The following OPCML variants were observed in gnomAD, a reference collection of about 807,000 sequenced individuals.
OPCML encodes opioid-binding protein/cell adhesion molecule.
In OPCML, 13 loss-of-function variants were observed where a neutral mutation model predicts 37.8. The ratio of observed to expected loss-of-function variants is 0.34; its 90% CI spans 0.22 to 0.55. OPCML has a LOEUF of 0.55. Ranked by LOEUF, OPCML falls within the 20% of genes least tolerant of loss-of-function variation. The pLI, the probability that OPCML is intolerant of heterozygous loss-of-function variation, is 0.91. For synonymous variants in OPCML, 176 were observed against 168.8 expected (o/e 1.04, Z -0.33); for missense variants, 341 against 435.6 (o/e 0.78, Z 1.93).
At chr11:133,129,773 T>G (rs1214314420) in intron 1 of OPCML, among the ~76,000 whole-genome samples, 1 of 152,128 alleles carries the variant, frequency 6.6e-6, no homozygotes, top group Non-Finnish European at 1.5e-5. Context: ...GTGTGTGTCA[T>G]GGCACATGCC....
chr11:133,357,158 T>C (rs1315746827), intron 1 of OPCML, among the ~76,000 whole-genome samples: 1 of 152,218 alleles, frequency 6.6e-6, no homozygotes. Context: ...TATTCTACAC[T>C]ACCCCAGGCA....
At chr11:133,434,719 T>C (rs1946195154) in intron 1 of OPCML, among the ~76,000 whole-genome samples, 1 of 150,352 alleles carries the variant, frequency 6.7e-6, no homozygotes, top group African/African-American at 2.4e-5. Flanking sequence ...GCTTCTACTG[T>C]TGGTAATATA....
At chr11:132,624,936 A>G (rs1358771145) in intron 3 of OPCML, among the ~76,000 whole-genome samples, 1 of 152,006 alleles carries the variant, frequency 6.6e-6, no homozygotes, top group African/African-American at 2.4e-5. Context: ...TTTTTATTCA[A>G]ATTTAACTGG....
intron 1 of OPCML, among the ~76,000 whole-genome samples, chr11:133,265,033 C>T (rs1357068051): frequency 6.6e-6 from 1 of 151,992 alleles, no homozygotes; most frequent in Non-Finnish European, 1.5e-5. Context: ...CTTGATGACT[C>T]GCTGCGCCGT....
At chr11:132,520,674 A>ATATATATATATGTGTG (rs10630619) in intron 4 of OPCML, among the ~76,000 whole-genome samples, 1 of 128,020 alleles carries the variant, frequency 7.8e-6, no homozygotes, top group Admixed American at 7.7e-5. Context: ...CTAAATATAT[A>ATATATATATATGTGTG]TGTGTGTGTG....
At chr11:132,991,450 A>G (rs6590672) in intron 1 of OPCML, among the ~76,000 whole-genome samples, 152,238 of 152,338 alleles carry the variant, frequency 1, 76,069 homozygotes, top group Middle Eastern at 1. Context: ...TGCCAGTATA[A>G]TGCAACTAAT....
At chr11:132,580,942 T>C (rs1386716464) in intron 3 of OPCML, among the ~76,000 whole-genome samples, 1 of 152,188 alleles carries the variant, frequency 6.6e-6, no homozygotes, top group Non-Finnish European at 1.5e-5. Flanking sequence ...GAGGGTAAGA[T>C]TTGATTAAAT....
At chr11:133,077,304 G>T (rs976632577) in intron 1 of OPCML, among the ~76,000 whole-genome samples, 5 of 151,920 alleles carry the variant, frequency 3.3e-5, no homozygotes, top group Admixed American at 6.6e-5. Flanking sequence ...ACGGAGTCAG[G>T]TTCAAGCTTT....
intron 1 of OPCML, chr11:133,024,728 G>T: frequency 1.1e-6 from 1 of 923,580 alleles, no homozygotes; most frequent in Non-Finnish European, 1.3e-6. Context: ...ATCTTTGCCA[G>T]CCCTCGCGCT....
chr11:132,744,388 T>C (rs1431012884), intron 2 of OPCML, among the ~76,000 whole-genome samples: 1 of 152,224 alleles, frequency 6.6e-6, no homozygotes, highest in African/African-American at 2.4e-5. Flanking sequence ...TAGGACATCA[T>C]TCCAGTGTCC....
At chr11:133,420,045 A>G (rs993326250) in intron 1 of OPCML, among the ~76,000 whole-genome samples, 2 of 152,364 alleles carry the variant, frequency 1.3e-5, no homozygotes, top group African/African-American at 4.8e-5. Flanking sequence ...AAAATATTCT[A>G]TGAGAATCAA....
At chr11:132,703,388 A>G (rs190680747) in intron 2 of OPCML, among the ~76,000 whole-genome samples, 1 of 152,322 alleles carries the variant, frequency 6.6e-6, no homozygotes, top group Admixed American at 6.5e-5. Context: ...TGATTGACCA[A>G]AATGTTGCTG....
intron 4 of OPCML, among the ~76,000 whole-genome samples, chr11:132,526,085 T>C (rs1051175563): frequency 1.3e-5 from 2 of 152,102 alleles, no homozygotes; most frequent in Non-Finnish European, 2.9e-5. Context: ...ACTATTACAC[T>C]CTGTAAAAGA....
chr11:132,445,444 A>T (rs1048256039), intron 4 of OPCML, among the ~76,000 whole-genome samples: 21 of 152,152 alleles, frequency 1.4e-4, no homozygotes, highest in Non-Finnish European at 1.0e-4. Flanking sequence ...TGAACTCTTT[A>T]CCGGGAAAAG....
chr11:132,927,150 G>T (rs1945023095), intron 2 of OPCML, among the ~76,000 whole-genome samples: 1 of 152,066 alleles, frequency 6.6e-6, no homozygotes, highest in African/African-American at 2.4e-5. Flanking sequence ...GTAACTACTG[G>T]AAATGTTCCA....
At chr11:132,882,027 A>AC (rs1194166379) in intron 2 of OPCML, among the ~76,000 whole-genome samples, 1 of 152,148 alleles carries the variant, frequency 6.6e-6, no homozygotes, top group African/African-American at 2.4e-5. Context: ...ACTTAACCCA[A>AC]CTTTTTCCTT....
chr11:132,659,591 C>G (rs904198111), intron 2 of OPCML, among the ~76,000 whole-genome samples: 1 of 152,098 alleles, frequency 6.6e-6, no homozygotes, highest in Non-Finnish European at 1.5e-5. Context: ...TTATGTAACC[C>G]CTTGCACATT....
chr11:132,452,391 C>G (rs2096070521), intron 4 of OPCML, among the ~76,000 whole-genome samples: 1 of 152,134 alleles, frequency 6.6e-6, no homozygotes, highest in African/African-American at 2.4e-5. Context: ...TTCCCACGAT[C>G]TCCAAGGCAG....
At chr11:132,551,976 C>T (rs762342577) in intron 3 of OPCML, among the ~76,000 whole-genome samples, 3 of 152,144 alleles carry the variant, frequency 2.0e-5, no homozygotes, top group African/African-American at 2.4e-5. Context: ...TCTGTGCTCC[C>T]CTCAATTCCG....
Sources: allele counts gnomAD v4.1 joint callset (sites outside exome capture counted in the v4.1 genomes callset), GRCh38; gene constraint gnomAD v4.1.1; transcripts MANE v1.5; gene names NCBI Gene and HGNC (gene_info 2026-07-23, HGNC 2026-07-21).